The following LHFPL4 variants were observed in gnomAD, a reference collection of about 807,000 sequenced individuals.
LHFPL4 encodes the protein LHFPL tetraspan subfamily member 4 protein.
In LHFPL4, 6 loss-of-function variants were observed where a neutral mutation model predicts 20.0. The ratio of observed to expected loss-of-function variants is 0.30; its 90% CI spans 0.16 to 0.59. The LOEUF (loss-of-function observed/expected upper bound fraction) is 0.59, where lower values mean the gene tolerates loss of function less well. Among genes scored for constraint, LHFPL4 ranks in the 20% least tolerant of loss-of-function variants. LHFPL4 has a pLI of 0.88. For missense variants in LHFPL4, 215 were observed against 331.2 expected (o/e 0.65, Z 2.72); for synonymous variants, 129 against 143.8 (o/e 0.90, Z 0.74).
intron 2 of LHFPL4, among the ~76,000 whole-genome samples, chr3:9,538,976 A>T (rs1050322983): frequency 1.3e-5 from 2 of 152,106 alleles, no homozygotes; most frequent in African/African-American, 4.8e-5. Flanking sequence ...CTGGGATTAT[A>T]GATGTGAGCC....
chr3:9,526,618 C>A (rs2046377327), intron 2 of LHFPL4, among the ~76,000 whole-genome samples: 1 of 152,172 alleles, frequency 6.6e-6, no homozygotes. Flanking sequence ...TCCCTGGTAC[C>A]TGTGAATGTG....
In LHFPL4 at chr3:9,502,103, G is replaced by A. The variant is rs999787907; in HGVS notation, c.*108C>T. ...GAGCTTGCAGGGTAGTCGGTGAGAA[G>A]TAAGTCTGAGATCAGGGTCTTCCCT... On this transcript the variant is annotated 3_prime_UTR_variant, in exon 4 of 4. Coordinates refer to ENST00000287585, the MANE Select transcript of LHFPL4 (RefSeq NM_198560.3). 1.1e-5 allele frequency: 9 copies of A among 798,916 alleles called. No homozygotes were observed. The highest frequency in any genetic ancestry group is 1.5e-5 in the Non-Finnish European group (7 of 465,920). 49.5% of individuals were successfully genotyped at this position (798,916 alleles called of 1,614,324 possible).
At chr3:9,532,670 C>T (rs2046417499) in intron 2 of LHFPL4, among the ~76,000 whole-genome samples, 1 of 152,298 alleles carries the variant, frequency 6.6e-6, no homozygotes, top group Admixed American at 6.5e-5. Flanking sequence ...CATTAGAACA[C>T]GGTTACACCA....
chr3:9,531,543 C>A (rs548851792), intron 2 of LHFPL4, among the ~76,000 whole-genome samples: 4 of 152,322 alleles, frequency 2.6e-5, no homozygotes, highest in African/African-American at 9.6e-5. Flanking sequence ...GTGGATCATG[C>A]CTGTAATCCC....
chr3:9,545,217 G>C (rs893290621), intron 2 of LHFPL4, among the ~76,000 whole-genome samples: 2 of 152,166 alleles, frequency 1.3e-5, no homozygotes, highest in East Asian at 3.9e-4. Flanking sequence ...AAAGAGAGAG[G>C]AAGGAAGGGA....
intron 2 of LHFPL4, among the ~76,000 whole-genome samples, chr3:9,551,790 C>G (rs1218536462): frequency 2.0e-5 from 3 of 152,182 alleles, no homozygotes; most frequent in Non-Finnish European, 4.4e-5. Context: ...GGAATCTTCT[C>G]CCCTGTTTTA....
intron 2 of LHFPL4, among the ~76,000 whole-genome samples, chr3:9,525,748 C>A (rs986426653): frequency 6.6e-6 from 1 of 152,146 alleles, no homozygotes; most frequent in African/African-American, 2.4e-5. Flanking sequence ...TAAAAAAAAT[C>A]CAACGTGCTT....
chr3:9,549,704 TA>T (rs1014223962), intron 2 of LHFPL4, among the ~76,000 whole-genome samples: 2 of 151,452 alleles, frequency 1.3e-5, no homozygotes, highest in East Asian at 1.9e-4. Context: ...TCTCAAAATT[TA>T]AAAAAAAAGT....
In LHFPL4 at chr3:9,538,148, C is replaced by T. The variant is rs537668081; in HGVS notation, c.406+14126G>A. On this transcript the variant is annotated intron_variant, in intron 2 of 3. Coordinates refer to ENST00000287585, the MANE Select transcript of LHFPL4 (RefSeq NM_198560.3). The stretch of plus-strand genomic sequence containing the variant: ...TCCAATCTTTCTCCTCCTCTCCATC[C>T]GCCATCCTTGGCATCTCTCACCTGG... Among the ~76,000 whole-genome samples the T allele has an allele frequency of 5.3e-5, 8 of 152,272 alleles. No homozygotes were observed. In the South Asian group the frequency reaches 1.7e-3, roughly 32 times the overall value.
intron 2 of LHFPL4, among the ~76,000 whole-genome samples, chr3:9,524,535 A>G (rs1407372097): frequency 2.0e-5 from 3 of 152,152 alleles, no homozygotes; most frequent in South Asian, 2.1e-4. Flanking sequence ...CCAGTCTACT[A>G]AAAGCCCGTC....
intron 2 of LHFPL4, among the ~76,000 whole-genome samples, chr3:9,538,622 G>A (rs908527869): frequency 3.0e-4 from 45 of 152,110 alleles, no homozygotes; most frequent in African/African-American, 1.1e-3. Context: ...TGAGTAAACC[G>A]AGACTCAGAA....
intron 2 of LHFPL4, among the ~76,000 whole-genome samples, chr3:9,534,693 T>C (rs149533296): frequency 4.3e-4 from 66 of 152,256 alleles, no homozygotes; most frequent in African/African-American, 1.6e-3. Flanking sequence ...TGACTGCTAG[T>C]AAATGACTAT....
Position 9,552,614 on chromosome 3 carries a change from G to A in LHFPL4, c.66C>T (p.Ile22=). Residue 22 remains isoleucine, a synonymous_variant, in exon 2 of 4, where the codon ATC becomes ATT. Coordinates refer to ENST00000287585, the MANE Select transcript of LHFPL4 (RefSeq NM_198560.3). The part of the protein sequence containing the change: ...HEHYMRNSRA[I]GVLWAIFTIC... Reference sequence around the variant, plus strand: ...TGGTGAAGATGGCCCACAGCACGCCGATGGCCCGCGAGTTCCGCATGTAGT... The same window carrying A: ...TGGTGAAGATGGCCCACAGCACGCCAATGGCCCGCGAGTTCCGCATGTAGT... 6.2e-7 allele frequency: 1 copy of A among 1,613,834 alleles called. No individual in the cohort carries two copies. Among genetic ancestry groups the A allele is most frequent in the Non-Finnish European group, 8.5e-7 (1 of 1,179,918 alleles).
intron 2 of LHFPL4, among the ~76,000 whole-genome samples, chr3:9,545,834 G>A (rs1005867169): frequency 5.3e-5 from 8 of 150,290 alleles, no homozygotes; most frequent in East Asian, 3.9e-4. Flanking sequence ...TCTTAAGCCC[G>A]GGAGCCCAGG....
At chr3:9,548,633 A>T (rs1384574810) in intron 2 of LHFPL4, among the ~76,000 whole-genome samples, 5 of 152,144 alleles carry the variant, frequency 3.3e-5, no homozygotes, top group African/African-American at 4.8e-5. Flanking sequence ...TAGTGCTCAG[A>T]CTGCCCAGGG....
chr3:9,523,028 G>A (rs1228371373), intron 2 of LHFPL4, among the ~76,000 whole-genome samples: 123 of 128,936 alleles, frequency 9.5e-4, no homozygotes, highest in Non-Finnish European at 1.5e-3. Flanking sequence ...GCAACAGAGC[G>A]AGACTCCGTC....
chr3:9,536,042 C>A (rs192505905), intron 2 of LHFPL4, among the ~76,000 whole-genome samples: 4 of 152,308 alleles, frequency 2.6e-5, no homozygotes, highest in African/African-American at 9.6e-5. Flanking sequence ...TTCAGGTGAT[C>A]TGCCCACCTC....
intron 2 of LHFPL4, among the ~76,000 whole-genome samples, chr3:9,507,916 C>A (rs949789513): frequency 1.3e-5 from 2 of 152,234 alleles, no homozygotes; most frequent in Admixed American, 6.5e-5. Context: ...CTTGATGGGG[C>A]CCTCGTATTG....
At position 9,503,522 on chromosome 3, in the gene LHFPL4, G is replaced by A. The variant is rs2046194118; in HGVS notation, c.644-1211C>T. ...ATCCCAGGAGAGCTCCCAAAGCCGT[G>A]CAGGAAATCTCTGGCTTCACCAGGT... On this transcript the variant is annotated intron_variant, in intron 3 of 3. Coordinates refer to ENST00000287585, the MANE Select transcript of LHFPL4 (RefSeq NM_198560.3). Among the ~76,000 whole-genome samples the A allele has an allele frequency of 2.0e-5, 3 of 152,314 alleles. No homozygotes were observed. The South Asian group carries it at 6.2e-4, about 32-fold the overall frequency.
Sources: allele counts gnomAD v4.1 joint callset (sites outside exome capture counted in the v4.1 genomes callset), GRCh38; gene constraint gnomAD v4.1.1; transcripts MANE v1.5; gene names NCBI Gene and HGNC (gene_info 2026-07-23, HGNC 2026-07-21).